The following ARHGAP15 variants were observed in gnomAD, a reference collection of about 807,000 sequenced individuals.
ARHGAP15 encodes Rho GTPase activating protein 15, also known as rho GTPase-activating protein 15.
ARHGAP15 carries 51 observed loss-of-function variants against 63.7 expected under a neutral mutation model. The observed-to-expected ratio is 0.80, with a 90% CI of 0.64 to 1.01. The LOEUF (loss-of-function observed/expected upper bound fraction) is 1.01. Ranked by LOEUF, ARHGAP15 falls within the 50% of genes least tolerant of loss-of-function variation. The probability of loss-of-function intolerance (pLI) is 0.00; values close to 1 mark genes in which losing one functional copy is unlikely to be tolerated. For synonymous variants in ARHGAP15, 191 were observed against 193.8 expected, an observed-to-expected ratio of 0.99 and a Z score of 0.12; for missense variants, 560 against 564.6, an observed-to-expected ratio of 0.99 and a Z score of 0.08.
chr2:143,566,016 T>G (rs940392669), intron 11 of ARHGAP15, among the ~76,000 whole-genome samples: 3 of 152,186 alleles, frequency 2.0e-5, no homozygotes, highest in Non-Finnish European at 4.4e-5. Context: ...CTAACAAAAG[T>G]GTGCTGTAGA....
At chr2:143,490,929 A>G (rs1213218453) in intron 9 of ARHGAP15, among the ~76,000 whole-genome samples, 3 of 152,146 alleles carry the variant, frequency 2.0e-5, no homozygotes, top group Admixed American at 6.5e-5. Flanking sequence ...CACCTGGCCC[A>G]TATTTTCTAA....
chr2:143,717,588 C>T (rs1392063899), intron 13 of ARHGAP15, among the ~76,000 whole-genome samples: 1 of 152,188 alleles, frequency 6.6e-6, no homozygotes, highest in Non-Finnish European at 1.5e-5. Context: ...AGCAAAGCTC[C>T]TTGTAAACTG....
intron 12 of ARHGAP15, among the ~76,000 whole-genome samples, chr2:143,666,562 G>A (rs1438108853): frequency 0.011 from 1,508 of 136,888 alleles, 14 homozygotes; most frequent in Non-Finnish European, 0.018. Context: ...AGACAAAATT[G>A]ACAAATGGGA....
chr2:143,144,915 A>G (rs1689518221), intron 1 of ARHGAP15, among the ~76,000 whole-genome samples: 1 of 152,114 alleles, frequency 6.6e-6, no homozygotes, highest in Non-Finnish European at 1.5e-5. Flanking sequence ...AATAACTTAC[A>G]TAAACCTTTA....
rs1558909656 is a variant in ARHGAP15 at position 143,346,222 on chromosome 2, ACACACACTCT to A, written c.475-89377_475-89368del. 2.8e-3 allele frequency among the ~76,000 whole-genome samples: 338 copies of A among 120,722 alleles called. 5 individuals are homozygous for A. Among genetic ancestry groups the A allele is most frequent in the African/African-American group, 0.012 (322 of 27,130 alleles). The allele number at this position is 120,722 out of a possible 152,430, so 79.2% of individuals were successfully genotyped here. Reference sequence around the variant, plus strand: ...CTCTCTCACACACACACTCTCTCTCACACACACTCTCTCTCACACACACACACTCACACAC... The same window carrying A: ...CTCTCTCACACACACACTCTCTCTCACTCTCACACACACACACTCACACAC... On this transcript the variant is annotated intron_variant, in intron 6 of 13. Coordinates refer to ENST00000295095, the MANE Select transcript of ARHGAP15 (RefSeq NM_018460.4).
rs1574725090 is a variant in ARHGAP15 at position 143,624,843 on chromosome 2, T to A, written c.1138+576T>A. Among the ~76,000 whole-genome samples the A allele has an allele frequency of 2.0e-5, 3 of 152,154 alleles. No individual in the cohort carries two copies. In the Middle Eastern group the frequency reaches 0.01, roughly 518 times the overall value. On this transcript the variant is annotated intron_variant, in intron 12 of 13. Coordinates refer to ENST00000295095, the MANE Select transcript of ARHGAP15 (RefSeq NM_018460.4). ...TTAAACTGGTGACTTTATAAGAGAG[T>A]GAGTTATATCTACTACTAACCAGTA...
At chr2:143,716,339 G>A (rs1684811586) in intron 13 of ARHGAP15, among the ~76,000 whole-genome samples, 1 of 152,144 alleles carries the variant, frequency 6.6e-6, no homozygotes, top group African/African-American at 2.4e-5. Context: ...ATCAATTACT[G>A]CAGTACATAG....
rs560127789 is a variant in ARHGAP15 at position 143,736,437 on chromosome 2, T to C, written c.1245-31552T>C. On this transcript the variant is annotated intron_variant, in intron 13 of 13. Transcript: ENST00000295095. ...AAAAAACAAACAACACACCTATATG[T>C]GGAGACAGTAGAGTACAGTGATAGG... Among the ~76,000 whole-genome samples, 4 of 151,218 alleles carry C rather than the reference T, an allele frequency of 2.6e-5. No homozygotes were observed. The East Asian group carries it at 7.8e-4, about 29-fold the overall frequency.
rs1227831488 is a variant in ARHGAP15, at chr2:143,333,846, G to T, written c.474+83246G>T. On this transcript the variant is annotated intron_variant, in intron 6 of 13. Coordinates refer to ENST00000295095, the MANE Select transcript of ARHGAP15 (RefSeq NM_018460.4). ...GGTAAACATTGCTTCAGGCTAGAAA[G>T]TAATGAGAATTTTTCCGTGGAGAGT... 2.0e-5 allele frequency among the ~76,000 whole-genome samples: 3 copies of T among 152,194 alleles called. No individual in the cohort carries two copies. The East Asian group carries it at 5.8e-4, about 29-fold the overall frequency.
chr2:143,148,198 G>GTCCT (rs771930680), intron 1 of ARHGAP15, among the ~76,000 whole-genome samples: 6 of 151,922 alleles, frequency 3.9e-5, no homozygotes, highest in Non-Finnish European at 8.8e-5. Context: ...GCCTTTCAGA[G>GTCCT]TCCTGTTTAT....
chr2:143,613,267 G>A (rs1310059997), intron 11 of ARHGAP15, among the ~76,000 whole-genome samples: 1 of 152,106 alleles, frequency 6.6e-6, no homozygotes, highest in Non-Finnish European at 1.5e-5. Flanking sequence ...AAGTAGGTTT[G>A]CCTTTTCCTT....
chr2:143,670,880 G>A (rs1018163597), intron 12 of ARHGAP15, among the ~76,000 whole-genome samples: 1 of 152,160 alleles, frequency 6.6e-6, no homozygotes, highest in Non-Finnish European at 1.5e-5. Context: ...TAATCAGCAG[G>A]TGAATTGATG....
At chr2:143,710,154 C>CTCTCT (rs111250610) in intron 13 of ARHGAP15, among the ~76,000 whole-genome samples, 20 of 137,348 alleles carry the variant, frequency 1.5e-4, no homozygotes, top group African/African-American at 4.1e-4. Context: ...CTTTTACTCT[C>CTCTCT]TCTTTTCTTT....
intron 6 of ARHGAP15, among the ~76,000 whole-genome samples, chr2:143,334,995 T>C (rs1684708591): frequency 6.6e-6 from 1 of 152,246 alleles, no homozygotes; most frequent in Non-Finnish European, 1.5e-5. Context: ...GCTTTTTCCA[T>C]AGTGAGTTTT....
intron 11 of ARHGAP15, among the ~76,000 whole-genome samples, chr2:143,616,517 C>G (rs1698454249): frequency 6.6e-6 from 1 of 152,108 alleles, no homozygotes; most frequent in African/African-American, 2.4e-5. Context: ...CAAAGCACAC[C>G]GAAAGCAAGC....
chr2:143,138,379 A>G (rs1689229730), intron 1 of ARHGAP15, among the ~76,000 whole-genome samples: 1 of 152,084 alleles, frequency 6.6e-6, no homozygotes, highest in African/African-American at 2.4e-5. Flanking sequence ...TCAGTATGCC[A>G]TGCGATAATT....
intron 5 of ARHGAP15, 84 bp downstream of exon 5, chr2:143,228,752 T>A: frequency 1.0e-6 from 1 of 960,480 alleles, no homozygotes; most frequent in Non-Finnish European, 1.5e-6. Context: ...GAAATCACAC[T>A]AAAACCTCCA....
chr2:143,428,369 C>T (rs1180143090), intron 6 of ARHGAP15, among the ~76,000 whole-genome samples: 1 of 151,540 alleles, frequency 6.6e-6, no homozygotes, highest in Non-Finnish European at 1.5e-5. Context: ...GCTGGCATGC[C>T]AAATTAAAGA....
chr2:143,361,508 G>T (rs1291665818), intron 6 of ARHGAP15, among the ~76,000 whole-genome samples: 1 of 152,076 alleles, frequency 6.6e-6, no homozygotes, highest in African/African-American at 2.4e-5. Context: ...TGATGTTAAT[G>T]GTCACAGAAG....
Sources: gnomAD v4.1 joint callset for allele counts (sites outside exome capture counted in the v4.1 genomes callset) on GRCh38, gnomAD v4.1.1 for gene constraint, MANE v1.5 for transcripts, NCBI Gene and HGNC (gene_info 2026-07-23, HGNC 2026-07-21) for gene names.